Variants in DLG2 observed in about 807,000 individuals in gnomAD.
DLG2 encodes the protein discs large MAGUK scaffold protein 2, also known as disks large homolog 2.
A neutral mutation model predicts 132.5 loss-of-function variants in DLG2; 45 were observed. The observed-to-expected ratio is 0.34, with a 90% CI of 0.27 to 0.44. The LOEUF is 0.44. Ranked by LOEUF, DLG2 falls within the 20% of genes least tolerant of loss-of-function variation. The probability of loss-of-function intolerance (pLI) is 1.00; values close to 1 mark genes in which losing one functional copy is unlikely to be tolerated. For missense variants in DLG2, 1,045 were observed against 1,196.9 expected (o/e 0.87, Z 1.87); for synonymous variants, 424 against 419.6 (o/e 1.01, Z -0.13).
intron 8 of DLG2, among the ~76,000 whole-genome samples, chr11:84,197,075 A>C (rs1187897541): frequency 6.6e-6 from 1 of 151,484 alleles, no homozygotes; most frequent in Non-Finnish European, 1.5e-5. Flanking sequence ...AGAAAAAAAA[A>C]ACGAAAGAAA....
At chr11:84,052,938 C>A (rs369365660) in intron 11 of DLG2, among the ~76,000 whole-genome samples, 2 of 152,182 alleles carry the variant, frequency 1.3e-5, no homozygotes, top group South Asian at 2.1e-4. Context: ...AAATATAAAT[C>A]ATTCTATTAT....
Position 83,532,694 on chromosome 11 carries a change from C to A in DLG2, c.2193+14G>T, listed in dbSNP as rs1417591814. 1.2e-6 allele frequency: 2 copies of A among 1,611,350 alleles called. No homozygotes were observed. Among genetic ancestry groups the A allele is most frequent in the East Asian group, 4.5e-5 (2 of 44,806 alleles). ...AACTGAGAGAACTTGATGTTTCCAT[C>A]ATTTTGTACCTACCCCTTTCGAATC... On this transcript the variant is annotated intron_variant, in intron 21 of 27. Coordinates refer to ENST00000376104, the MANE Select transcript of DLG2 (RefSeq NM_001142699.3).
At chr11:84,403,322 C>T (rs1366319280) in intron 7 of DLG2, among the ~76,000 whole-genome samples, 1 of 152,148 alleles carries the variant, frequency 6.6e-6, no homozygotes, top group Non-Finnish European at 1.5e-5. Flanking sequence ...AAGATTTGTA[C>T]CAAAGACCAA....
chr11:84,336,115 C>T (rs1415784644), intron 7 of DLG2, among the ~76,000 whole-genome samples: 2 of 152,140 alleles, frequency 1.3e-5, no homozygotes, highest in African/African-American at 2.4e-5. Context: ...GAACTTTTCT[C>T]ATTTTGGGGG....
At chr11:84,428,437 C>T (rs1670479622) in intron 7 of DLG2, among the ~76,000 whole-genome samples, 1 of 152,138 alleles carries the variant, frequency 6.6e-6, no homozygotes, top group South Asian at 2.1e-4. Context: ...TATTAGGTGG[C>T]TTAAACAAAA....
At chr11:85,450,051 C>T (rs906727486) in intron 3 of DLG2, among the ~76,000 whole-genome samples, 1 of 152,058 alleles carries the variant, frequency 6.6e-6, no homozygotes, top group East Asian at 1.9e-4. Flanking sequence ...CGCTTGAACC[C>T]AGGAGGCAGA....
chr11:84,762,459 T>C (rs191006462), intron 6 of DLG2, among the ~76,000 whole-genome samples: 81 of 152,284 alleles, frequency 5.3e-4, no homozygotes, highest in African/African-American at 1.9e-3. Context: ...CCTAAGAGGA[T>C]TTAAAGCAGC....
chr11:84,692,624 GA>G (rs2058174723), intron 6 of DLG2, among the ~76,000 whole-genome samples: 1 of 151,640 alleles, frequency 6.6e-6, no homozygotes. Flanking sequence ...GCATATAAAT[GA>G]AGCATTTATT....
intron 12 of DLG2, among the ~76,000 whole-genome samples, chr11:83,973,823 G>A (rs1277731054): frequency 6.6e-6 from 1 of 152,074 alleles, no homozygotes; most frequent in Non-Finnish European, 1.5e-5. Flanking sequence ...ATTCAAATGT[G>A]TAACCAAAAT....
intron 7 of DLG2, among the ~76,000 whole-genome samples, chr11:84,502,142 T>C (rs10466718): frequency 0.024 from 1,657 of 68,800 alleles, 272 homozygotes; most frequent in African/African-American, 0.047. Flanking sequence ...TTCTCCTTTC[T>C]TTCCTTCCTT....
intron 8 of DLG2, among the ~76,000 whole-genome samples, chr11:84,219,820 A>G (rs111598236): frequency 6.6e-6 from 1 of 152,138 alleles, no homozygotes; most frequent in Non-Finnish European, 1.5e-5. Context: ...CTTCATTTGT[A>G]ATCATTCACT....
intron 7 of DLG2, among the ~76,000 whole-genome samples, chr11:84,485,482 A>G (rs2099148377): frequency 1.3e-5 from 2 of 152,178 alleles, no homozygotes. Context: ...GAACTAATCA[A>G]TATAATCTTG....
At chr11:85,365,817 G>C (rs2084504796) in intron 3 of DLG2, among the ~76,000 whole-genome samples, 1 of 152,140 alleles carries the variant, frequency 6.6e-6, no homozygotes, top group African/African-American at 2.4e-5. Flanking sequence ...ATCATTCTCA[G>C]CAAACTAACA....
chr11:84,546,245 C>T (rs2099389560), intron 6 of DLG2, among the ~76,000 whole-genome samples: 1 of 152,124 alleles, frequency 6.6e-6, no homozygotes, highest in Non-Finnish European at 1.5e-5. Flanking sequence ...TGACAGAGTT[C>T]TCACGAGATC....
chr11:85,479,236 A>G (rs1198351332), intron 3 of DLG2, among the ~76,000 whole-genome samples: 1 of 152,226 alleles, frequency 6.6e-6, no homozygotes, highest in Non-Finnish European at 1.5e-5. Context: ...ACAGTTCTGG[A>G]GACTGAGAAG....
intron 11 of DLG2, among the ~76,000 whole-genome samples, chr11:84,014,439 G>C (rs1380411529): frequency 6.6e-6 from 1 of 152,040 alleles, no homozygotes; most frequent in Admixed American, 6.6e-5. Context: ...AATAAAAATA[G>C]GCAATTTAAT....
At chr11:84,999,462 A>G (rs2058007160) in intron 6 of DLG2, among the ~76,000 whole-genome samples, 1 of 152,186 alleles carries the variant, frequency 6.6e-6, no homozygotes, top group Non-Finnish European at 1.5e-5. Flanking sequence ...GAAGGAAATA[A>G]TCATCACTTG....
At chr11:83,949,318 A>C (rs1474950876) in intron 14 of DLG2, among the ~76,000 whole-genome samples, 1 of 152,112 alleles carries the variant, frequency 6.6e-6, no homozygotes, top group Non-Finnish European at 1.5e-5. Context: ...GTATGTGATA[A>C]CTACACAAAT....
At chr11:84,176,806 G>A (rs1259947759) in intron 8 of DLG2, among the ~76,000 whole-genome samples, 1 of 152,090 alleles carries the variant, frequency 6.6e-6, no homozygotes, top group African/African-American at 2.4e-5. Context: ...CTGGGACGCT[G>A]ATAGGATAAG....
Sources: allele counts gnomAD v4.1 joint callset (sites outside exome capture counted in the v4.1 genomes callset), GRCh38; gene constraint gnomAD v4.1.1; transcripts MANE v1.5; gene names NCBI Gene and HGNC (gene_info 2026-07-23, HGNC 2026-07-21).